NEGR1: variants seen among roughly 807,000 people sequenced by gnomAD.
NEGR1 encodes IgLON family member 4.
In NEGR1, 10 loss-of-function variants were observed where a neutral mutation model predicts 40.9. That is an observed-to-expected ratio of 0.24 (90% CI 0.15 to 0.42). The LOEUF (loss-of-function observed/expected upper bound fraction) is 0.42, where lower values mean the gene tolerates loss of function less well. Ranked by LOEUF, NEGR1 falls within the 10% of genes least tolerant of loss-of-function variation. NEGR1 has a pLI of 1.00. For synonymous variants in NEGR1, 185 were observed against 166.8 expected (o/e 1.11, Z -0.84); for missense variants, 352 against 438.9 (o/e 0.80, Z 1.77).
intron 2 of NEGR1, among the ~76,000 whole-genome samples, chr1:71,868,593 T>G (rs937283101): frequency 1.3e-5 from 2 of 152,110 alleles, no homozygotes; most frequent in African/African-American, 2.4e-5. Flanking sequence ...AAAGGGCCCC[T>G]GAAGTTTAAC....
chr1:72,016,626 C>T (rs147793736), intron 1 of NEGR1, among the ~76,000 whole-genome samples: 1 of 152,238 alleles, frequency 6.6e-6, no homozygotes, highest in East Asian at 1.9e-4. Context: ...CTTGCTTTCA[C>T]GTATGGGAAA....
chr1:71,989,538 G>T (rs1646431704), intron 1 of NEGR1, among the ~76,000 whole-genome samples: 1 of 151,820 alleles, frequency 6.6e-6, no homozygotes, highest in Admixed American at 6.6e-5. Context: ...TTACATAACT[G>T]CAAATGTCAT....
chr1:72,246,643 T>C (rs547999240), intron 1 of NEGR1, among the ~76,000 whole-genome samples: 161 of 152,358 alleles, frequency 1.1e-3, no homozygotes, highest in African/African-American at 3.6e-3. Context: ...AAGAGTATCT[T>C]ATTGCAATAA....
intron 2 of NEGR1, chr1:71,794,537 C>T (rs1259448390): frequency 6.6e-6 from 1 of 151,790 alleles, no homozygotes. Flanking sequence ...ATTGTCTACC[C>T]TGTGGGGAAA....
rs372669499 is a variant in NEGR1, at chr1:71,903,320, C to T, written c.409+31759G>A. ...TAAATAAATAAATTTTATGTTTATG[C>T]AATAAGTAATTCTATCACAAAGTTC... On this transcript the variant is annotated intron_variant, in intron 2 of 6. Coordinates refer to ENST00000357731, the MANE Select transcript of NEGR1 (RefSeq NM_173808.3). Among the ~76,000 whole-genome samples the T allele has an allele frequency of 5.1e-4, 77 of 151,882 alleles. No individual in the cohort carries two copies. The South Asian group carries it at 0.015, about 29-fold the overall frequency.
chr1:71,997,411 C>T (rs973132738), intron 1 of NEGR1, among the ~76,000 whole-genome samples: 1 of 151,954 alleles, frequency 6.6e-6, no homozygotes, highest in African/African-American at 2.4e-5. Context: ...ATGCCCTTTC[C>T]CCAAAACGTC....
chr1:71,399,974 A>G lies in NEGR1; in HGVS notation c.*7472T>C, dbSNP rs1373806238. On this transcript the variant is annotated 3_prime_UTR_variant, in exon 7 of 7. Coordinates refer to ENST00000357731, the MANE Select transcript of NEGR1 (RefSeq NM_173808.3). ...AAGATATGGTCCCCAAATTTTCTTG[A>G]GAAATCCCCATGTGCTTGAATACTT... 2.0e-5 allele frequency: 3 copies of G among 152,212 alleles called. No homozygotes were observed. Among genetic ancestry groups the G allele is most frequent in the African/African-American group, 7.2e-5 (3 of 41,466 alleles). The allele number at this position is 152,212 out of a possible 1,614,324, so 9.4% of individuals were successfully genotyped here.
chr1:71,748,886 T>C (rs981970324), intron 3 of NEGR1, among the ~76,000 whole-genome samples: 20 of 152,088 alleles, frequency 1.3e-4, no homozygotes, highest in African/African-American at 4.8e-4. Flanking sequence ...CAAAAAAAAA[T>C]TAGAGACTTA....
intron 3 of NEGR1, 78 bp from the exon 4 acceptor site, chr1:71,698,217 C>G (rs538215185): frequency 8.2e-7 from 1 of 1,223,782 alleles, no homozygotes; most frequent in African/African-American, 1.5e-5. Flanking sequence ...TCATGACTTC[C>G]TACAAGATAC....
intron 4 of NEGR1, among the ~76,000 whole-genome samples, chr1:71,655,832 T>C (rs1028521024): frequency 6.6e-6 from 1 of 152,166 alleles, no homozygotes; most frequent in African/African-American, 2.4e-5. Flanking sequence ...AAGTAGCAGT[T>C]GCCACAACGG....
At chr1:71,655,654 C>T (rs899982777) in intron 4 of NEGR1, among the ~76,000 whole-genome samples, 15 of 152,082 alleles carry the variant, frequency 9.9e-5, no homozygotes, top group African/African-American at 3.4e-4. Flanking sequence ...ACATATATTA[C>T]TTGATGAGGG....
intron 1 of NEGR1, among the ~76,000 whole-genome samples, chr1:72,170,871 T>G (rs937117644): frequency 6.6e-6 from 1 of 152,080 alleles, no homozygotes; most frequent in Non-Finnish European, 1.5e-5. Context: ...CTAATTTGAG[T>G]GTAAGGTGTG....
At chr1:72,208,143 A>C (rs1337863970) in intron 1 of NEGR1, among the ~76,000 whole-genome samples, 1 of 151,672 alleles carries the variant, frequency 6.6e-6, no homozygotes, top group Non-Finnish European at 1.5e-5. Flanking sequence ...GGCTAGCAGT[A>C]ATAGAATAGA....
intron 1 of NEGR1, among the ~76,000 whole-genome samples, chr1:72,144,092 G>C (rs1415051872): frequency 6.7e-6 from 1 of 150,218 alleles, no homozygotes; most frequent in Non-Finnish European, 1.5e-5. Flanking sequence ...TTTTAAAAAA[G>C]GAAAATTACT....
intron 2 of NEGR1, among the ~76,000 whole-genome samples, chr1:71,838,851 G>A (rs1659133349): frequency 6.6e-6 from 1 of 152,046 alleles, no homozygotes; most frequent in Non-Finnish European, 1.5e-5. Context: ...TTAAAAAACA[G>A]ATCCAATAAA....
At chr1:71,541,377 A>G (rs1418280044) in intron 6 of NEGR1, among the ~76,000 whole-genome samples, 1 of 151,746 alleles carries the variant, frequency 6.6e-6, no homozygotes, top group Non-Finnish European at 1.5e-5. Context: ...TTATTTGAGA[A>G]GCACATATTA....
chr1:71,817,060 A>G (rs1028494042), intron 2 of NEGR1, among the ~76,000 whole-genome samples: 1 of 151,974 alleles, frequency 6.6e-6, no homozygotes, highest in South Asian at 2.1e-4. Context: ...AATAGTTTGC[A>G]TTCTCTCCTC....
At chr1:71,848,075 A>G (rs1342956691) in intron 2 of NEGR1, among the ~76,000 whole-genome samples, 1 of 152,202 alleles carries the variant, frequency 6.6e-6, no homozygotes, top group East Asian at 1.9e-4. Flanking sequence ...AGCCTAATCC[A>G]CAGAAAGGCC....
intron 6 of NEGR1, among the ~76,000 whole-genome samples, chr1:71,491,661 T>C (rs1283108824): frequency 1.3e-5 from 2 of 151,796 alleles, no homozygotes; most frequent in Non-Finnish European, 2.9e-5. Context: ...TCATCCAACC[T>C]TACCGTGGCC....
Sources: gnomAD v4.1 joint callset for allele counts (sites outside exome capture counted in the v4.1 genomes callset) on GRCh38, gnomAD v4.1.1 for gene constraint, MANE v1.5 for transcripts, NCBI Gene and HGNC (gene_info 2026-07-23, HGNC 2026-07-21) for gene names.